The following GALNT13 variants were observed in gnomAD, a reference collection of about 807,000 sequenced individuals.
GALNT13 encodes UDP-GalNAc:polypeptide N-acetylgalactosaminyltransferase 13.
In GALNT13, 28 loss-of-function variants were observed where a neutral mutation model predicts 64.2. The ratio of observed to expected loss-of-function variants is 0.44; its 90% CI spans 0.32 to 0.60. The LOEUF (loss-of-function observed/expected upper bound fraction) is 0.60, where lower values mean the gene tolerates loss of function less well. Among genes scored for constraint, GALNT13 ranks in the 20% least tolerant of loss-of-function variants. The probability of loss-of-function intolerance (pLI) is 0.05; values close to 1 mark genes in which losing one functional copy is unlikely to be tolerated. For synonymous variants in GALNT13, 214 were observed against 224.6 expected, an observed-to-expected ratio of 0.95 and a Z score of 0.42; for missense variants, 577 against 669.8, an observed-to-expected ratio of 0.86 and a Z score of 1.53.
At chr2:154,385,414 T>G (rs949747279) in intron 9 of GALNT13, among the ~76,000 whole-genome samples, 10 of 151,918 alleles carry the variant, frequency 6.6e-5, no homozygotes, top group African/African-American at 2.4e-4. Context: ...ATATTTCCCT[T>G]TATAGGTTTT....
the GALNT13 span, among the ~76,000 whole-genome samples, chr2:153,567,326 A>T: frequency 6.6e-6 from 1 of 152,234 alleles, no homozygotes; most frequent in Non-Finnish European, 1.5e-5. Flanking sequence ...AGAAATCAGC[A>T]GTGTGAGGAA....
the GALNT13 span, among the ~76,000 whole-genome samples, chr2:153,370,314 C>T: frequency 3.7e-4 from 56 of 152,230 alleles, 2 homozygotes; most frequent in Admixed American, 3.3e-3. Context: ...TTTCCCAACT[C>T]ATCTTATGAG....
At chr2:153,124,672 G>T in the GALNT13 span, among the ~76,000 whole-genome samples, 1 of 152,082 alleles carries the variant, frequency 6.6e-6, no homozygotes, top group Non-Finnish European at 1.5e-5. Context: ...TGCCCAGCTA[G>T]TTTTTGTATT....
the GALNT13 span, among the ~76,000 whole-genome samples, chr2:153,806,388 G>A: frequency 3.1e-4 from 47 of 152,068 alleles, no homozygotes; most frequent in African/African-American, 1.0e-3. Flanking sequence ...GAAATAAAAA[G>A]CATTTATCTT....
At chr2:153,392,289 A>G in the GALNT13 span, among the ~76,000 whole-genome samples, 3,000 of 151,694 alleles carry the variant, frequency 0.02, 88 homozygotes, top group African/African-American at 0.067. Context: ...GAAGTGCTTA[A>G]ATTTACCGTC....
At chr2:153,362,427 A>T in the GALNT13 span, among the ~76,000 whole-genome samples, 1 of 152,032 alleles carries the variant, frequency 6.6e-6, no homozygotes, top group Non-Finnish European at 1.5e-5. Context: ...AAAGACACAG[A>T]TGGGAAAATT....
chr2:153,558,672 T>C, the GALNT13 span, among the ~76,000 whole-genome samples: 1 of 152,172 alleles, frequency 6.6e-6, no homozygotes, highest in Non-Finnish European at 1.5e-5. Flanking sequence ...ATTCACATAA[T>C]GACCCTCCCC....
the GALNT13 span, among the ~76,000 whole-genome samples, chr2:153,766,036 T>C: frequency 5.9e-5 from 9 of 152,330 alleles, no homozygotes; most frequent in Middle Eastern, 6.8e-3. Context: ...ATGTCTTTAT[T>C]AGCAGCATGA....
chr2:154,396,138 T>G lies in GALNT13; in HGVS notation c.1296+8T>G. ...TATTACTCACTTGGTGAGGTATGAA[T>G]TATTTATTTTGGTTAAGTTATAAAT... On this transcript the variant is annotated splice_region_variant and intron_variant, in intron 10 of 12. Coordinates refer to ENST00000392825, the MANE Select transcript of GALNT13 (RefSeq NM_052917.4). 6.4e-7 allele frequency: 1 copy of G among 1,571,288 alleles called. No homozygotes were observed. The highest frequency in any genetic ancestry group is 8.6e-7 in the Non-Finnish European group (1 of 1,163,940).
intron 2 of GALNT13, among the ~76,000 whole-genome samples, chr2:153,936,271 A>G (rs1333347933): frequency 6.6e-6 from 1 of 152,234 alleles, no homozygotes; most frequent in African/African-American, 2.4e-5. Flanking sequence ...TAATCTAGAA[A>G]TGACTTAAGG....
chr2:153,718,904 C>A, the GALNT13 span, among the ~76,000 whole-genome samples: 1 of 152,134 alleles, frequency 6.6e-6, no homozygotes, highest in South Asian at 2.1e-4. Context: ...TATGTTTTTA[C>A]ACTACATGTC....
At chr2:154,454,338 A>G (rs1574342138), downstream of GALNT13, among the ~76,000 whole-genome samples, 1 of 152,246 alleles carries the variant, frequency 6.6e-6, no homozygotes, top group African/African-American at 2.4e-5. Flanking sequence ...AATTATAGAA[A>G]TGGAACAATA....
the GALNT13 span, among the ~76,000 whole-genome samples, chr2:153,481,718 T>A: frequency 6.6e-6 from 1 of 152,192 alleles, no homozygotes; most frequent in Non-Finnish European, 1.5e-5. Context: ...TGGCCTATAA[T>A]GCATTCTGTA....
the GALNT13 span, among the ~76,000 whole-genome samples, chr2:153,253,642 C>T: frequency 1.3e-5 from 2 of 150,772 alleles, no homozygotes; most frequent in African/African-American, 4.9e-5. Context: ...AAATACATCC[C>T]ATCAATACCT....
the GALNT13 span, among the ~76,000 whole-genome samples, chr2:153,616,308 C>G: frequency 3.3e-5 from 5 of 151,938 alleles, no homozygotes; most frequent in African/African-American, 7.2e-5. Flanking sequence ...TTTTATGCCA[C>G]TACCCGCTAT....
the GALNT13 span, among the ~76,000 whole-genome samples, chr2:153,165,757 G>A: frequency 6.3e-3 from 956 of 152,304 alleles, 15 homozygotes; most frequent in African/African-American, 0.022. Flanking sequence ...TTTACAAGCA[G>A]CAGATAAAAT....
At chr2:153,905,055 T>A (rs1408509485) in intron 2 of GALNT13, among the ~76,000 whole-genome samples, 1 of 151,974 alleles carries the variant, frequency 6.6e-6, no homozygotes, top group Non-Finnish European at 1.5e-5. Context: ...GGCTACTTTT[T>A]AAATATTCTT....
chr2:153,291,255 A>C, the GALNT13 span, among the ~76,000 whole-genome samples: 4 of 152,180 alleles, frequency 2.6e-5, no homozygotes, highest in Admixed American at 6.5e-5. Context: ...TCATTTTAGA[A>C]AACAGGCCAG....
chr2:153,316,356 G>A, the GALNT13 span, among the ~76,000 whole-genome samples: 2 of 152,132 alleles, frequency 1.3e-5, no homozygotes, highest in East Asian at 1.9e-4. Context: ...AAAAACACTT[G>A]TACAGGCCTG....
Sources: allele counts gnomAD v4.1 joint callset (sites outside exome capture counted in the v4.1 genomes callset), GRCh38; gene constraint gnomAD v4.1.1; transcripts MANE v1.5; gene names NCBI Gene and HGNC (gene_info 2026-07-23, HGNC 2026-07-21).